The following PRKN variants were observed in gnomAD, a reference collection of about 807,000 sequenced individuals.
PRKN encodes E3 ubiquitin-protein ligase parkin.
A neutral mutation model predicts 59.5 loss-of-function variants in PRKN; 56 were observed. The ratio of observed to expected loss-of-function variants is 0.94; its 90% CI spans 0.76 to 1.18. The LOEUF is 1.18. Ranked by LOEUF, PRKN falls within the 50% of genes most tolerant of loss-of-function variation. The pLI is 0.00. For missense variants in PRKN, 657 were observed against 596.4 expected (o/e 1.10, Z -1.06); for synonymous variants, 250 against 222.1 (o/e 1.13, Z -1.12).
At chr6:161,715,067 G>A (rs190491419) in intron 7 of PRKN, among the ~76,000 whole-genome samples, 1 of 152,300 alleles carries the variant, frequency 6.6e-6, no homozygotes, top group South Asian at 2.1e-4. Context: ...CAAGGCAGCT[G>A]CATGCCAAAG....
chr6:161,543,509 C>A (rs1779690092), intron 9 of PRKN, among the ~76,000 whole-genome samples: 1 of 152,164 alleles, frequency 6.6e-6, no homozygotes, highest in Non-Finnish European at 1.5e-5. Flanking sequence ...GACAAACCTG[C>A]CTCCGAGCGA....
chr6:162,577,813 C>A (rs145398312), intron 1 of PRKN, among the ~76,000 whole-genome samples: 1 of 152,042 alleles, frequency 6.6e-6, no homozygotes, highest in Non-Finnish European at 1.5e-5. Context: ...CCTGTAGTCC[C>A]AGCTACTTGA....
At chr6:161,745,540 G>C (rs1788378257) in intron 7 of PRKN, among the ~76,000 whole-genome samples, 6 of 152,210 alleles carry the variant, frequency 3.9e-5, no homozygotes, top group Admixed American at 3.9e-4. Flanking sequence ...CTGGGGTCAG[G>C]ATGCATGCTT....
chr6:161,433,738 T>C (rs1464436468), intron 9 of PRKN, among the ~76,000 whole-genome samples: 2 of 152,084 alleles, frequency 1.3e-5, no homozygotes, highest in African/African-American at 4.8e-5. Context: ...AGTATTAGGC[T>C]GAGCACTGTG....
At chr6:162,620,888 G>A (rs1000510677) in intron 1 of PRKN, among the ~76,000 whole-genome samples, 1 of 152,094 alleles carries the variant, frequency 6.6e-6, no homozygotes, top group Non-Finnish European at 1.5e-5. Flanking sequence ...TTTCCGGTGT[G>A]TATGATTAAA....
rs117522514 is a variant in PRKN at position 162,337,021 on chromosome 6, A to G, written c.172-74256T>C. ...GGTGTAATTAGAAGAACAACTTGTG[A>G]TTTCAGTGATTATTTCTAAAGCACA... On this transcript the variant is annotated intron_variant, in intron 2 of 11. Coordinates refer to ENST00000366898, the MANE Select transcript of PRKN (RefSeq NM_004562.3). Among the ~76,000 whole-genome samples, 54 of 152,314 alleles carry G rather than the reference A, an allele frequency of 3.5e-4. No individual in the cohort carries two copies. The East Asian group carries it at 0.01, about 29-fold the overall frequency.
chr6:162,294,757 A>G (rs1479216852), intron 2 of PRKN, among the ~76,000 whole-genome samples: 1 of 152,318 alleles, frequency 6.6e-6, no homozygotes. Flanking sequence ...GAGAAATACA[A>G]TACAATAAAA....
chr6:162,506,250 G>GAA (rs1583687887), intron 1 of PRKN, among the ~76,000 whole-genome samples: 2 of 28,224 alleles, frequency 7.1e-5, no homozygotes, highest in African/African-American at 3.5e-4. Flanking sequence ...TAAAGAGGAA[G>GAA]CAAAAAAAAA....
chr6:162,058,374 G>A (rs1013467396), intron 4 of PRKN, among the ~76,000 whole-genome samples: 8 of 152,250 alleles, frequency 5.3e-5, no homozygotes, highest in East Asian at 3.9e-4. Context: ...AACAGGAGCC[G>A]TGCTCCCTGG....
At position 161,446,528 on chromosome 6, in the gene PRKN, A is replaced by G. The variant is rs571216409; in HGVS notation, c.1084-59651T>C. ...TGTGTAGAAGCATAAAAGGAGTAGGATGTTTGTGATGGCTGAGCGTCATGG... is the reference window on the plus strand; with the variant it reads ...TGTGTAGAAGCATAAAAGGAGTAGGGTGTTTGTGATGGCTGAGCGTCATGG... On this transcript the variant is annotated intron_variant, in intron 9 of 11. Coordinates refer to ENST00000366898, the MANE Select transcript of PRKN (RefSeq NM_004562.3). The surrounding 1 kb of genome is among the most constrained non-coding windows in gnomAD (Gnocchi z 6.2). 8.0e-4 allele frequency among the ~76,000 whole-genome samples: 122 copies of G among 152,276 alleles called. No individual in the cohort carries two copies. Among genetic ancestry groups the G allele is most frequent in the African/African-American group, 2.7e-3 (113 of 41,560 alleles).
chr6:161,682,696 A>G (rs1382901822), intron 7 of PRKN, among the ~76,000 whole-genome samples: 4 of 152,156 alleles, frequency 2.6e-5, no homozygotes, highest in Non-Finnish European at 5.9e-5. Flanking sequence ...TCAGCCTTTC[A>G]TTCGGAAACA....
rs557560096 is a variant in PRKN at position 162,320,893 on chromosome 6, CAATATGCAAAGAA to C, written c.172-58141_172-58129del. 5.2e-3 allele frequency among the ~76,000 whole-genome samples: 782 copies of C among 151,692 alleles called. 6 individuals are homozygous for C. The highest frequency in any genetic ancestry group is 0.017 in the African/African-American group (717 of 41,450). ...CAAAATTTAGGGGATGCAGCTAAAGCAATATGCAAAGAAAATTTTTTGGGACTAAACAGAAAAA... is the reference window on the plus strand; with the variant it reads ...CAAAATTTAGGGGATGCAGCTAAAGCAATTTTTTGGGACTAAACAGAAAAA... On this transcript the variant is annotated intron_variant, in intron 2 of 11. Coordinates refer to ENST00000366898, the MANE Select transcript of PRKN (RefSeq NM_004562.3).
chr6:162,335,597 T>A (rs1044129989), intron 2 of PRKN, among the ~76,000 whole-genome samples: 1 of 152,214 alleles, frequency 6.6e-6, no homozygotes, highest in African/African-American at 2.4e-5. Context: ...AATATGTTTA[T>A]GCCAACAACA....
chr6:162,312,437 C>T (rs932950953), intron 2 of PRKN, among the ~76,000 whole-genome samples: 21 of 152,140 alleles, frequency 1.4e-4, no homozygotes, highest in East Asian at 5.8e-4. Flanking sequence ...TCTGACTTTA[C>T]GACATCCTCA....
At chr6:161,888,667 C>G (rs535187788) in intron 6 of PRKN, among the ~76,000 whole-genome samples, 1 of 152,082 alleles carries the variant, frequency 6.6e-6, no homozygotes, top group Admixed American at 6.6e-5. Flanking sequence ...TCAATAACTG[C>G]CCATAATCTT....
chr6:161,835,892 A>G (rs1320849321), intron 6 of PRKN, among the ~76,000 whole-genome samples: 3 of 152,364 alleles, frequency 2.0e-5, no homozygotes, highest in African/African-American at 4.8e-5. Flanking sequence ...GCTCCAGCAC[A>G]TATCGATTTG....
intron 2 of PRKN, among the ~76,000 whole-genome samples, chr6:162,414,165 A>G (rs1341175695): frequency 4.0e-5 from 6 of 151,660 alleles, no homozygotes. Flanking sequence ...CCTGGGCCAC[A>G]GGGTGAGACT....
chr6:161,897,966 CAAA>C (rs55714271), intron 6 of PRKN, among the ~76,000 whole-genome samples: 1 of 38,298 alleles, frequency 2.6e-5, no homozygotes, highest in Non-Finnish European at 4.6e-5. Context: ...GACTCCGTCT[CAAA>C]AAAAAAAAAA....
rs769226281 is a variant in PRKN, at chr6:161,593,873, C to T, written c.872-24457G>A. ...GGTGATAGAATTGACTGCTGGAGGCCGGGCGCAGTGGCTCATGCCTGTAAT... is the reference window on the plus strand; with the variant it reads ...GGTGATAGAATTGACTGCTGGAGGCTGGGCGCAGTGGCTCATGCCTGTAAT... On this transcript the variant is annotated intron_variant, in intron 7 of 11. Coordinates refer to ENST00000366898, the MANE Select transcript of PRKN (RefSeq NM_004562.3). This position sits in a 1 kb window ranked among gnomAD's most constrained non-coding sequence, Gnocchi z 4.8. Among the ~76,000 whole-genome samples, 32 of 151,936 alleles carry T rather than the reference C, an allele frequency of 2.1e-4. No homozygotes were observed. The highest frequency in any genetic ancestry group is 4.4e-4 in the African/African-American group (18 of 41,366).
Sources: gnomAD v4.1 joint callset for allele counts (sites outside exome capture counted in the v4.1 genomes callset) on GRCh38, gnomAD v4.1.1 for gene constraint, Gnocchi (gnomAD v3.1) non-coding constraint, MANE v1.5 for transcripts, NCBI Gene and HGNC (gene_info 2026-07-23, HGNC 2026-07-21) for gene names.